The following NFIB variants were observed in gnomAD, a reference collection of about 807,000 sequenced individuals.
NFIB encodes nuclear factor I B.
A neutral mutation model predicts 61.5 loss-of-function variants in NFIB; 11 were observed. The observed-to-expected ratio is 0.18, with a 90% CI of 0.11 to 0.30. The LOEUF (loss-of-function observed/expected upper bound fraction) is 0.30. NFIB is among the 10% of genes least tolerant of loss of function. NFIB has a pLI of 1.00. For missense variants in NFIB, 471 were observed against 608.9 expected (o/e 0.77, Z 2.38); for synonymous variants, 260 against 216.5 (o/e 1.20, Z -1.76).
chr9:14,267,284 A>G (rs915892951), intron 2 of NFIB, among the ~76,000 whole-genome samples: 2 of 152,218 alleles, frequency 1.3e-5, no homozygotes, highest in African/African-American at 4.8e-5. Flanking sequence ...TTCACGGTGA[A>G]GCCAACCTAA....
chr9:14,312,950 T>C (rs1177978580), intron 1 of NFIB, among the ~76,000 whole-genome samples: 2 of 152,084 alleles, frequency 1.3e-5, no homozygotes, highest in Admixed American at 6.5e-5. Context: ...AAGGAATGGG[T>C]CCCCGGACCA....
rs991340263 is a variant in NFIB at position 14,084,815 on chromosome 9, A to T, written c.*3494T>A. On this transcript the variant is annotated 3_prime_UTR_variant, in exon 11 of 11. Coordinates refer to ENST00000380953, the MANE Select transcript of NFIB (RefSeq NM_001190737.2). The stretch of plus-strand genomic sequence containing the variant: ...AGTTGATTTGAGATTTTATATATAT[A>T]GTAGTACTTTTAATAGTTTTATCTC... 1.8e-5 allele frequency: 4 copies of T among 228,328 alleles called. No individual in the cohort carries two copies. Among genetic ancestry groups the T allele is most frequent in the Non-Finnish European group, 3.5e-5 (4 of 114,954 alleles). 14.1% of individuals were successfully genotyped at this position (228,328 alleles called of 1,614,324 possible). A position where few individuals can be genotyped will look rare whatever the true frequency, so the allele number is the denominator to read the frequency against.
chr9:14,144,797 A>G (rs990883352), intron 6 of NFIB, among the ~76,000 whole-genome samples: 37 of 152,160 alleles, frequency 2.4e-4, no homozygotes, highest in African/African-American at 8.7e-4. Flanking sequence ...AAGGATGGCA[A>G]AGAGTTTGCC....
At chr9:14,423,983 C>A in the NFIB span, among the ~76,000 whole-genome samples, 74 of 150,680 alleles carry the variant, frequency 4.9e-4, no homozygotes, top group Non-Finnish European at 9.2e-4. Context: ...CAGAGAAGCT[C>A]GGGAATTTGG....
At chr9:14,417,407 C>T in the NFIB span, among the ~76,000 whole-genome samples, 1 of 152,150 alleles carries the variant, frequency 6.6e-6, no homozygotes, top group Non-Finnish European at 1.5e-5. Context: ...GTATGAAGTT[C>T]ACACGATAAT....
chr9:14,402,093 G>A (rs1397437001), upstream of NFIB, among the ~76,000 whole-genome samples: 1 of 152,176 alleles, frequency 6.6e-6, no homozygotes, highest in African/African-American at 2.4e-5. Flanking sequence ...AGAGACAGAA[G>A]GGGGAGAAAG....
chr9:14,223,677 G>C (rs1342386264), intron 2 of NFIB, among the ~76,000 whole-genome samples: 1 of 152,184 alleles, frequency 6.6e-6, no homozygotes, highest in Non-Finnish European at 1.5e-5. Context: ...AAGAGGGGAA[G>C]ATGTGTTACA....
chr9:14,244,756 G>A (rs1232632213), intron 2 of NFIB, among the ~76,000 whole-genome samples: 1 of 152,050 alleles, frequency 6.6e-6, no homozygotes, highest in Non-Finnish European at 1.5e-5. Flanking sequence ...AAAAAACATT[G>A]AGCAAAATGC....
In NFIB at chr9:14,307,604, A is replaced by G; in HGVS notation, c.31-84T>C. On this transcript the variant is annotated intron_variant, in intron 1 of 10. Transcript: ENST00000380953. This position sits in a 1 kb window ranked among gnomAD's most constrained non-coding sequence, Gnocchi z 5.3. ...CAAAAAATAAGAAAAGAAGACCACA[A>G]CCCGTTTCCAATTCAGTACAAAAAG... 1 of 1,308,800 alleles carries G rather than the reference A, an allele frequency of 7.6e-7. No individual in the cohort carries two copies. Among genetic ancestry groups the G allele is most frequent in the Non-Finnish European group, 1.0e-6 (1 of 978,556 alleles). 81.1% of individuals were successfully genotyped at this position (1,308,800 alleles called of 1,614,324 possible).
intron 2 of NFIB, among the ~76,000 whole-genome samples, chr9:14,235,594 TGTTCA>T (rs2053659513): frequency 6.6e-6 from 1 of 152,246 alleles, no homozygotes; most frequent in South Asian, 2.1e-4. Flanking sequence ...GAAGCACAGT[TGTTCA>T]GTTAATTTAT....
chr9:14,416,370 G>T, the NFIB span, among the ~76,000 whole-genome samples: 1 of 152,166 alleles, frequency 6.6e-6, no homozygotes, highest in South Asian at 2.1e-4. Context: ...AACATAGGAG[G>T]TGACAGCTCC....
the NFIB span, among the ~76,000 whole-genome samples, chr9:14,436,061 C>G: frequency 1.3e-5 from 2 of 152,198 alleles, no homozygotes; most frequent in African/African-American, 4.8e-5. Context: ...TATTGCATGG[C>G]CCTGCTCTCT....
chr9:14,155,132 C>A (rs573948240), intron 4 of NFIB, among the ~76,000 whole-genome samples: 2 of 152,092 alleles, frequency 1.3e-5, no homozygotes, highest in Non-Finnish European at 2.9e-5. Context: ...CCTTCTTTAA[C>A]ATAATTAGTA....
chr9:14,190,584 A>C (rs2047839267), intron 2 of NFIB, among the ~76,000 whole-genome samples: 1 of 152,234 alleles, frequency 6.6e-6, no homozygotes. Flanking sequence ...AACTACTTGA[A>C]TAATGCATCA....
intron 1 of NFIB, among the ~76,000 whole-genome samples, chr9:14,324,040 AGG>A (rs2060722498): frequency 6.6e-6 from 1 of 152,224 alleles, no homozygotes; most frequent in South Asian, 2.1e-4. Flanking sequence ...AGCTTGGAGA[AGG>A]GGAATGAATG....
At chr9:14,328,714 T>C (rs1339000527) in intron 1 of NFIB, among the ~76,000 whole-genome samples, 1 of 152,100 alleles carries the variant, frequency 6.6e-6, no homozygotes, top group Non-Finnish European at 1.5e-5. Context: ...TTTCTATTTG[T>C]ATTGTTGATA....
chr9:14,182,335 C>A (rs1019452066), intron 2 of NFIB, among the ~76,000 whole-genome samples: 1 of 152,174 alleles, frequency 6.6e-6, no homozygotes, highest in Non-Finnish European at 1.5e-5. Context: ...CATACCTTCT[C>A]ATGAAATAAA....
At chr9:14,504,210 T>C in the NFIB span, among the ~76,000 whole-genome samples, 121 of 152,334 alleles carry the variant, frequency 7.9e-4, no homozygotes, top group African/African-American at 2.8e-3. Context: ...ACCAGTACCA[T>C]GATGTTTTGG....
At chr9:14,210,227 G>A (rs1465556856) in intron 2 of NFIB, among the ~76,000 whole-genome samples, 1 of 152,076 alleles carries the variant, frequency 6.6e-6, no homozygotes, top group Non-Finnish European at 1.5e-5. Context: ...TGGAAAACTT[G>A]AATGAAACTA....
Sources: gnomAD v4.1 joint callset for allele counts (sites outside exome capture counted in the v4.1 genomes callset) on GRCh38, gnomAD v4.1.1 for gene constraint, Gnocchi (gnomAD v3.1) non-coding constraint, MANE v1.5 for transcripts, NCBI Gene and HGNC (gene_info 2026-07-23, HGNC 2026-07-21) for gene names.